REDIC1: variants seen among roughly 807,000 people sequenced by gnomAD.
The protein encoded by REDIC1 is regulator of DNA class I crossover intermediates 1.
chr12:39,740,079 G>A, the REDIC1 span, among the ~76,000 whole-genome samples: 3 of 152,276 alleles, frequency 2.0e-5, no homozygotes, highest in East Asian at 1.9e-4. Context: ...TAGGAGTTAC[G>A]GCAAGAGCAA....
chr12:39,875,087 T>C, the REDIC1 span, among the ~76,000 whole-genome samples: 1 of 152,336 alleles, frequency 6.6e-6, no homozygotes, highest in African/African-American at 2.4e-5. Context: ...GTTGCTGCCA[T>C]GACAAATTAC....
the REDIC1 span, among the ~76,000 whole-genome samples, chr12:39,886,057 C>G: frequency 6.6e-6 from 1 of 152,062 alleles, no homozygotes; most frequent in African/African-American, 2.4e-5. Flanking sequence ...TGTTTAAGCC[C>G]TCTTACACTT....
At chr12:39,866,486 AT>A in the REDIC1 span, among the ~76,000 whole-genome samples, 97 of 147,538 alleles carry the variant, frequency 6.6e-4, no homozygotes, top group African/African-American at 1.0e-3. Context: ...TATTTGAAAG[AT>A]TTTTTTTTTT....
chr12:39,681,439 A>G, the REDIC1 span, among the ~76,000 whole-genome samples: 1 of 152,204 alleles, frequency 6.6e-6, no homozygotes, highest in African/African-American at 2.4e-5. Flanking sequence ...CATGTAACCA[A>G]ACATCACCCA....
the REDIC1 span, among the ~76,000 whole-genome samples, chr12:39,712,452 ACG>A: frequency 1.1e-4 from 5 of 45,194 alleles, no homozygotes; most frequent in Non-Finnish European, 3.5e-4. Context: ...ATGTATACAT[ACG>A]TATATATACG....
chr12:39,645,687 G>A, the REDIC1 span, among the ~76,000 whole-genome samples: 1 of 152,080 alleles, frequency 6.6e-6, no homozygotes, highest in Non-Finnish European at 1.5e-5. Context: ...ATAACTAGCA[G>A]AATGGGATAC....
At chr12:39,784,119 G>A in the REDIC1 span, among the ~76,000 whole-genome samples, 1 of 152,206 alleles carries the variant, frequency 6.6e-6, no homozygotes, top group Non-Finnish European at 1.5e-5. Flanking sequence ...TGGATAGGAA[G>A]AATCAATATC....
At chr12:39,812,476 C>T in the REDIC1 span, among the ~76,000 whole-genome samples, 1 of 149,006 alleles carries the variant, frequency 6.7e-6, no homozygotes, top group Non-Finnish European at 1.5e-5. Flanking sequence ...TCTTTCTCCC[C>T]TTCTCTCTTT....
At chr12:39,830,102 C>T in the REDIC1 span, 1 of 1,613,508 alleles carries the variant, frequency 6.2e-7, no homozygotes, top group Non-Finnish European at 8.5e-7. Flanking sequence ...GAGTGATATA[C>T]CTGCCCCAGG....
the REDIC1 span, among the ~76,000 whole-genome samples, chr12:39,653,934 T>TGTTAGC: frequency 6.6e-6 from 1 of 151,808 alleles, no homozygotes; most frequent in Non-Finnish European, 1.5e-5. Context: ...TAAAGTATGA[T>TGTTAGC]GTTAGCTATA....
At chr12:39,682,260 G>T in the REDIC1 span, among the ~76,000 whole-genome samples, 3 of 151,912 alleles carry the variant, frequency 2.0e-5, no homozygotes, top group Non-Finnish European at 4.4e-5. Flanking sequence ...TCTTTCTCTG[G>T]TTAAATGGAA....
chr12:39,874,702 A>C, the REDIC1 span, among the ~76,000 whole-genome samples: 1 of 152,088 alleles, frequency 6.6e-6, no homozygotes, highest in Non-Finnish European at 1.5e-5. Context: ...GGGGACTTGA[A>C]TGTAATGCTC....
chr12:39,686,861 C>A, the REDIC1 span, among the ~76,000 whole-genome samples: 2 of 152,222 alleles, frequency 1.3e-5, no homozygotes, highest in Admixed American at 1.3e-4. Flanking sequence ...TGGTCCATAT[C>A]TTCAATGCTT....
the REDIC1 span, among the ~76,000 whole-genome samples, chr12:39,703,424 G>T: frequency 6.7e-6 from 1 of 149,604 alleles, no homozygotes; most frequent in South Asian, 2.2e-4. Flanking sequence ...ACTGCTCAAG[G>T]AAATAAAAGA....
chr12:39,817,055 G>A, the REDIC1 span, among the ~76,000 whole-genome samples: 38 of 152,250 alleles, frequency 2.5e-4, no homozygotes, highest in African/African-American at 9.1e-4. Context: ...AAATAGGTAG[G>A]TGGTGAGTGA....
the REDIC1 span, among the ~76,000 whole-genome samples, chr12:39,656,646 G>T: frequency 4.6e-5 from 7 of 152,270 alleles, no homozygotes; most frequent in Admixed American, 4.6e-4. Flanking sequence ...AGAAGGCATT[G>T]TTATCATAAG....
At chr12:39,662,009 C>T in the REDIC1 span, among the ~76,000 whole-genome samples, 1 of 151,868 alleles carries the variant, frequency 6.6e-6, no homozygotes. Flanking sequence ...GGTCCATGTG[C>T]CTGTTTTTGT....
At chr12:39,689,422 C>T in the REDIC1 span, among the ~76,000 whole-genome samples, 3 of 152,142 alleles carry the variant, frequency 2.0e-5, no homozygotes, top group Admixed American at 2.0e-4. Flanking sequence ...AAGTTTGACC[C>T]ACTGAGCTCA....
chr12:39,694,585 T>C, the REDIC1 span, among the ~76,000 whole-genome samples: 6 of 152,316 alleles, frequency 3.9e-5, no homozygotes, highest in African/African-American at 1.4e-4. Flanking sequence ...CTGATCCTAG[T>C]GGTCAATACT....
Sources: gnomAD v4.1 joint callset for allele counts (sites outside exome capture counted in the v4.1 genomes callset) on GRCh38, gnomAD v4.1.1 for gene constraint, MANE v1.5 for transcripts, NCBI Gene and HGNC (gene_info 2026-07-23, HGNC 2026-07-21) for gene names.